The following MYO18B variants were observed in gnomAD, a reference collection of about 807,000 sequenced individuals.
MYO18B encodes myosin XVIIIB.
In MYO18B, 204 loss-of-function variants were observed where a neutral mutation model predicts 273.0. That is an observed-to-expected ratio of 0.75 (90% CI 0.67 to 0.84). The LOEUF (loss-of-function observed/expected upper bound fraction) is 0.84. Ranked by LOEUF, MYO18B falls within the 40% of genes least tolerant of loss-of-function variation. The pLI is 0.00. For synonymous variants in MYO18B, 1,330 were observed against 1,305.7 expected, an observed-to-expected ratio of 1.02 and a Z score of -0.40; for missense variants, 3,212 against 3,287.6, an observed-to-expected ratio of 0.98 and a Z score of 0.56.
At chr22:25,999,219 G>A (rs1933658182) in intron 40 of MYO18B, among the ~76,000 whole-genome samples, 1 of 152,144 alleles carries the variant, frequency 6.6e-6, no homozygotes, top group Non-Finnish European at 1.5e-5. Flanking sequence ...AACCTAAACT[G>A]CTAATGGCCA....
chr22:25,745,851 A>T (rs2085763978), intron 1 of MYO18B, among the ~76,000 whole-genome samples: 1 of 152,166 alleles, frequency 6.6e-6, no homozygotes. Context: ...TTTCAATTTC[A>T]TGGAGGGCAG....
In MYO18B at chr22:25,780,173, G is replaced by A; in HGVS notation, c.2186G>A (p.Gly729Asp). The A allele has an allele frequency of 6.2e-7, 1 of 1,606,294 alleles. No homozygotes were observed. The highest frequency in any genetic ancestry group is 1.1e-5 in the South Asian group (1 of 89,354). ...ATGTCGCTGGACTTCAACGCTACAG[G>A]CCGCATCACAGCTGCTCAGCTCCAG... is the stretch of plus-strand genomic sequence containing the variant. ...MVMSLDFNAT[G>D]RITAAQLQTM... The change falls in exon 9 of 44, where the codon GGC (glycine) becomes GAC (aspartate). Residue 729 changes from glycine (G) to aspartate (D), a missense_variant. Coordinates refer to ENST00000335473, the MANE Select transcript of MYO18B (RefSeq NM_032608.7).
chr22:25,941,427 C>T (rs1283848305), intron 34 of MYO18B, among the ~76,000 whole-genome samples: 2 of 152,232 alleles, frequency 1.3e-5, no homozygotes, highest in Admixed American at 6.5e-5. Context: ...TTACTACCCA[C>T]TGCTCTCTGA....
the MYO18B span, among the ~76,000 whole-genome samples, chr22:26,060,989 CCACAT>C: frequency 6.0e-5 from 9 of 148,808 alleles, no homozygotes; most frequent in South Asian, 2.2e-4. Context: ...TACACACATA[CCACAT>C]ATGCACACAC....
At chr22:25,925,861 C>T (rs1003656167) in intron 34 of MYO18B, among the ~76,000 whole-genome samples, 10 of 140,706 alleles carry the variant, frequency 7.1e-5, no homozygotes, top group Admixed American at 3.8e-4. Flanking sequence ...ACTGAGATCG[C>T]GCCATTGCAC....
At chr22:25,798,466 G>A (rs1396740843) in intron 12 of MYO18B, among the ~76,000 whole-genome samples, 2 of 152,200 alleles carry the variant, frequency 1.3e-5, no homozygotes, top group Non-Finnish European at 2.9e-5. Flanking sequence ...GTCATAGGTA[G>A]CCAGTGGCTA....
chr22:25,847,888 C>T (rs992850620), intron 20 of MYO18B, among the ~76,000 whole-genome samples: 1 of 151,732 alleles, frequency 6.6e-6, no homozygotes, highest in African/African-American at 2.4e-5. Flanking sequence ...ACCCAGCTCT[C>T]TTTGAGTCTG....
At chr22:25,904,922 A>G (rs2092010024) in intron 31 of MYO18B, among the ~76,000 whole-genome samples, 1 of 146,254 alleles carries the variant, frequency 6.8e-6, no homozygotes, top group African/African-American at 2.6e-5. Context: ...GAAAAAGGAA[A>G]TGTGAGTTAC....
chr22:26,043,612 GC>G, the MYO18B span, among the ~76,000 whole-genome samples: 1 of 148,150 alleles, frequency 6.7e-6, no homozygotes, highest in Non-Finnish European at 1.5e-5. Flanking sequence ...CCGGGTTCTT[GC>G]AATTCTCCTG....
chr22:25,896,284 C>A (rs867479005), intron 28 of MYO18B: 1 of 152,144 alleles, frequency 6.6e-6, no homozygotes, highest in Non-Finnish European at 1.5e-5. Flanking sequence ...ACCTTCCAGG[C>A]CAGCAGGTGG....
chr22:25,876,136 A>G (rs1054194495), intron 23 of MYO18B, 53 bp from the exon 24 acceptor site: 1 of 1,562,140 alleles, frequency 6.4e-7, no homozygotes, highest in Non-Finnish European at 8.7e-7. Flanking sequence ...TCCTTCCTTT[A>G]TCCTCACCTG....
At chr22:25,965,615 T>C (rs548237327) in intron 39 of MYO18B, among the ~76,000 whole-genome samples, 1 of 152,304 alleles carries the variant, frequency 6.6e-6, no homozygotes, top group South Asian at 2.1e-4. Flanking sequence ...AGCGCATCAT[T>C]ATATATCATT....
the MYO18B span, among the ~76,000 whole-genome samples, chr22:26,058,618 T>C: frequency 3.3e-4 from 50 of 152,318 alleles, no homozygotes; most frequent in Non-Finnish European, 5.9e-4. Context: ...TGAATGGCTT[T>C]GCGCTGTCCT....
chr22:25,816,976 G>A (rs2089041891), intron 12 of MYO18B, among the ~76,000 whole-genome samples: 1 of 152,232 alleles, frequency 6.6e-6, no homozygotes, highest in Admixed American at 6.5e-5. Flanking sequence ...CACAGCTATT[G>A]TTGGAAGGAG....
chr22:25,807,858 C>G (rs1029538505), intron 12 of MYO18B, among the ~76,000 whole-genome samples: 2 of 152,044 alleles, frequency 1.3e-5, no homozygotes, highest in African/African-American at 4.8e-5. Context: ...GTAACTTAAG[C>G]TTTCTGAGGC....
At chr22:26,016,656 A>G (rs1024818562) in intron 42 of MYO18B, among the ~76,000 whole-genome samples, 8 of 152,180 alleles carry the variant, frequency 5.3e-5, no homozygotes, top group Non-Finnish European at 1.0e-4. Context: ...CCATTCCTTC[A>G]TTCTTTCCAT....
In MYO18B at chr22:25,768,551, A is replaced by C; in HGVS notation, c.635A>C (p.Lys212Thr). 1 of 1,543,160 alleles carries C rather than the reference A, an allele frequency of 6.5e-7. No individual in the cohort carries two copies. Among genetic ancestry groups the C allele is most frequent in the Non-Finnish European group, 8.7e-7 (1 of 1,148,726 alleles). Residue 212 changes from lysine (K) to threonine (T), a missense_variant, in exon 4 of 44, where the codon AAA becomes ACA. By Grantham distance (78) the Lys-to-Thr change is moderately conservative. Coordinates refer to ENST00000335473, the MANE Select transcript of MYO18B (RefSeq NM_032608.7). ...SQASTEILAP[K>T]AEKTRTGGLG... The stretch of plus-strand genomic sequence containing the variant: ...GCCAGCACCGAGATCTTGGCCCCGA[A>C]AGCTGAGAAGACCCGGACTGGGGGT...
rs750563302 is a variant in MYO18B at position 25,868,335 on chromosome 22, C to T, written c.3901C>T (p.Leu1301=). 2 of 1,603,392 alleles carry T rather than the reference C, an allele frequency of 1.2e-6. No homozygotes were observed. The highest frequency in any genetic ancestry group is 8.5e-7 in the Non-Finnish European group (1 of 1,175,020). ...TTTTCCCCAGGCCGTGGAGGAGCTC[C>T]TGGAGACCCTGGATCTGGAAAAGAA... ...IDERKAVEEL[L]ETLDLEKKAV... is the part of the protein sequence containing the mutation. Residue 1301 remains leucine, a synonymous_variant, in exon 22 of 44, where the codon CTG becomes TTG. Transcript: ENST00000335473.
At chr22:25,806,100 T>C (rs1317682380) in intron 12 of MYO18B, among the ~76,000 whole-genome samples, 7 of 152,200 alleles carry the variant, frequency 4.6e-5, no homozygotes, top group Non-Finnish European at 1.0e-4. Context: ...TGGTACATAG[T>C]ATGTGCTCAA....
Sources: gnomAD v4.1 joint callset for allele counts (sites outside exome capture counted in the v4.1 genomes callset) on GRCh38, gnomAD v4.1.1 for gene constraint, MANE v1.5 for transcripts, NCBI Gene and HGNC (gene_info 2026-07-23, HGNC 2026-07-21) for gene names.